Variants in HECW2 observed in about 807,000 individuals in gnomAD.
HECW2 encodes the protein E3 ubiquitin-protein ligase HECW2.
In HECW2, 61 loss-of-function variants were observed where a neutral mutation model predicts 175.2. The ratio of observed to expected loss-of-function variants is 0.35; its 90% CI spans 0.28 to 0.43. The LOEUF (loss-of-function observed/expected upper bound fraction) is 0.43, where lower values mean the gene tolerates loss of function less well. HECW2 is among the 20% of genes least tolerant of loss of function. The pLI is 1.00. For synonymous variants in HECW2, 671 were observed against 731.0 expected (o/e 0.92, Z 1.32); for missense variants, 1,524 against 2,000.5 (o/e 0.76, Z 4.54).
At chr2:196,519,114 C>T (rs1001673850) in intron 1 of HECW2, among the ~76,000 whole-genome samples, 2 of 152,214 alleles carry the variant, frequency 1.3e-5, no homozygotes, top group Admixed American at 6.5e-5. Context: ...CAGCTCATGT[C>T]ACCTTCAGCT....
chr2:196,523,115 G>A (rs1462851024), intron 1 of HECW2, among the ~76,000 whole-genome samples: 10 of 151,996 alleles, frequency 6.6e-5, no homozygotes, highest in African/African-American at 1.9e-4. Context: ...CATGAGCATG[G>A]AATGTTCTTC....
intron 22 of HECW2, among the ~76,000 whole-genome samples, chr2:196,227,145 A>G (rs1488335662): frequency 1.3e-5 from 2 of 152,214 alleles, no homozygotes; most frequent in Non-Finnish European, 2.9e-5. Flanking sequence ...TAGTCACAGA[A>G]GAAGGACTTC....
At chr2:196,332,396 T>C (rs1002364714) in intron 4 of HECW2, among the ~76,000 whole-genome samples, 8 of 152,326 alleles carry the variant, frequency 5.3e-5, no homozygotes, top group South Asian at 2.1e-4. Context: ...ATTTTGGACA[T>C]AGACCAAACT....
intron 17 of HECW2, among the ~76,000 whole-genome samples, chr2:196,265,061 C>A (rs1033359602): frequency 6.6e-6 from 1 of 152,190 alleles, no homozygotes; most frequent in East Asian, 1.9e-4. Context: ...AAGGCTCAGT[C>A]CTCAGTCTAG....
chr2:196,475,446 G>T (rs943333279), intron 1 of HECW2, among the ~76,000 whole-genome samples: 1 of 151,732 alleles, frequency 6.6e-6, no homozygotes, highest in African/African-American at 2.4e-5. Context: ...AAAAAAGGAG[G>T]GCGGCTCACA....
chr2:196,371,299 T>C (rs1007783848), intron 2 of HECW2, among the ~76,000 whole-genome samples: 2 of 152,206 alleles, frequency 1.3e-5, no homozygotes, highest in African/African-American at 4.8e-5. Flanking sequence ...AAAACAGACA[T>C]ACATCTGTAC....
At chr2:196,411,415 C>A (rs79758666) in intron 2 of HECW2, among the ~76,000 whole-genome samples, 1 of 152,082 alleles carries the variant, frequency 6.6e-6, no homozygotes, top group Non-Finnish European at 1.5e-5. Flanking sequence ...AGGAATTAAA[C>A]AAACAAACAA....
intron 1 of HECW2, among the ~76,000 whole-genome samples, chr2:196,584,597 A>G (rs1487679393): frequency 2.0e-5 from 3 of 152,126 alleles, no homozygotes; most frequent in Non-Finnish European, 4.4e-5. Flanking sequence ...TTAAAAAAAA[A>G]AAAACCTAAA....
At chr2:196,486,502 C>A (rs907811524) in intron 1 of HECW2, among the ~76,000 whole-genome samples, 16 of 152,090 alleles carry the variant, frequency 1.1e-4, no homozygotes, top group African/African-American at 3.9e-4. Context: ...ATGCATTATT[C>A]CAGCATTATA....
Position 196,198,892 on chromosome 2 carries a change from A to G in HECW2, c.*2385T>C, listed in dbSNP as rs575733701. The G allele has an allele frequency of 4.6e-5, 7 of 152,322 alleles. No homozygotes were observed. In the South Asian group the frequency reaches 1.0e-3, roughly 23 times the overall value. 9.4% of individuals were successfully genotyped at this position (152,322 alleles called of 1,614,324 possible). A position where few individuals can be genotyped will look rare whatever the true frequency, so the allele number is the denominator to read the frequency against. On this transcript the variant is annotated 3_prime_UTR_variant, in exon 29 of 29. Transcript: ENST00000644978. ...CTTTGATAATTCCCAATCTGAGAAC[A>G]GTATCAACTAGATGATTATACTAAT...
chr2:196,401,123 T>A (rs1341891251), intron 2 of HECW2, among the ~76,000 whole-genome samples: 1 of 152,248 alleles, frequency 6.6e-6, no homozygotes, highest in Non-Finnish European at 1.5e-5. Flanking sequence ...TAGAAATTGT[T>A]TTTTGAAATA....
At chr2:196,230,031 A>C (rs1456354656) in intron 21 of HECW2, among the ~76,000 whole-genome samples, 1 of 152,202 alleles carries the variant, frequency 6.6e-6, no homozygotes, top group African/African-American at 2.4e-5. Context: ...ACCTATATGT[A>C]AAGAAAAATG....
At chr2:196,524,827 C>T (rs1217279020) in intron 1 of HECW2, among the ~76,000 whole-genome samples, 1 of 116,586 alleles carries the variant, frequency 8.6e-6, no homozygotes, top group Non-Finnish European at 1.6e-5. Context: ...TTTGATTGCA[C>T]TGTGGTCTGA....
At chr2:196,404,991 A>ATT (rs35158305) in intron 2 of HECW2, among the ~76,000 whole-genome samples, 2,741 of 141,548 alleles carry the variant, frequency 0.019, 32 homozygotes, top group Non-Finnish European at 0.026. Context: ...CTCCCGGCAA[A>ATT]TTTTTTTTTT....
intron 19 of HECW2, among the ~76,000 whole-genome samples, chr2:196,252,155 C>T (rs1049074660): frequency 3.5e-5 from 5 of 143,904 alleles, no homozygotes; most frequent in African/African-American, 1.0e-4. Flanking sequence ...CCAGCCTGGG[C>T]GAAGAAGTGT....
chr2:196,407,255 C>T (rs1386024659), intron 2 of HECW2, among the ~76,000 whole-genome samples: 1 of 150,602 alleles, frequency 6.6e-6, no homozygotes, highest in East Asian at 1.9e-4. Context: ...CTCACTGCAA[C>T]CTCTACCTCC....
intron 3 of HECW2, among the ~76,000 whole-genome samples, chr2:196,336,769 G>A (rs1224264283): frequency 6.6e-6 from 1 of 152,104 alleles, no homozygotes; most frequent in African/African-American, 2.4e-5. Context: ...TGACAAAGTA[G>A]AATCCCTGAA....
chr2:196,273,830 T>C (rs1419017311), intron 16 of HECW2, among the ~76,000 whole-genome samples, 191 bp downstream of exon 16: 1 of 152,252 alleles, frequency 6.6e-6, no homozygotes, highest in Non-Finnish European at 1.5e-5. Flanking sequence ...TCCTTTAGGA[T>C]ATTACAAGAC....
At chr2:196,464,365 G>A (rs181464705) in intron 1 of HECW2, among the ~76,000 whole-genome samples, 502 of 152,216 alleles carry the variant, frequency 3.3e-3, no homozygotes, top group Non-Finnish European at 6.1e-3. Context: ...GATAACTTAA[G>A]TATCATCAAT....
Sources: gnomAD v4.1 joint callset for allele counts (sites outside exome capture counted in the v4.1 genomes callset) on GRCh38, gnomAD v4.1.1 for gene constraint, MANE v1.5 for transcripts, NCBI Gene and HGNC (gene_info 2026-07-23, HGNC 2026-07-21) for gene names.